The following CTNNA3 variants were observed in gnomAD, a reference collection of about 807,000 sequenced individuals.
CTNNA3 encodes catenin alpha-3.
CTNNA3 carries 76 observed loss-of-function variants against 95.7 expected under a neutral mutation model. The ratio of observed to expected loss-of-function variants is 0.79; its 90% CI spans 0.66 to 0.96. The LOEUF (loss-of-function observed/expected upper bound fraction) is 0.96. Ranked by LOEUF, CTNNA3 falls within the 40% of genes least tolerant of loss-of-function variation. The pLI, the probability that CTNNA3 is intolerant of heterozygous loss-of-function variation, is 0.00. For missense variants in CTNNA3, 1,191 were observed against 1,089.8 expected, an observed-to-expected ratio of 1.09 and a Z score of -1.31; for synonymous variants, 431 against 374.4, an observed-to-expected ratio of 1.15 and a Z score of -1.74.
intron 11 of CTNNA3, among the ~76,000 whole-genome samples, chr10:66,430,053 T>A (rs201756549): frequency 0.05 from 4,469 of 89,694 alleles, 238 homozygotes; most frequent in Middle Eastern, 0.087. Context: ...ACTTCAGCAA[T>A]GTCTCAGGAT....
chr10:67,720,616 C>T (rs1222298137), intron 1 of CTNNA3, among the ~76,000 whole-genome samples: 1 of 152,062 alleles, frequency 6.6e-6, no homozygotes, highest in African/African-American at 2.4e-5. Context: ...GCTTATGAAG[C>T]TTAGGTTGGC....
At chr10:66,653,063 A>G (rs1000657722) in intron 9 of CTNNA3, among the ~76,000 whole-genome samples, 1 of 152,196 alleles carries the variant, frequency 6.6e-6, no homozygotes, top group Non-Finnish European at 1.5e-5. Context: ...GAATAAGACA[A>G]GGATTCCCGT....
intron 7 of CTNNA3, chr10:67,015,145 A>T (rs1169946306): frequency 6.6e-6 from 1 of 152,170 alleles, no homozygotes; most frequent in Non-Finnish European, 1.5e-5. Flanking sequence ...TAGGGAAATT[A>T]ACTGATACCT....
At chr10:66,379,423 T>C (rs1041694409) in intron 11 of CTNNA3, 71 bp from the exon 12 acceptor site, 2 of 1,242,362 alleles carry the variant, frequency 1.6e-6, no homozygotes, top group African/African-American at 3.0e-5. Context: ...TAGCATATTA[T>C]AATTATGTTA....
chr10:66,798,757 G>T (rs1049264606), intron 7 of CTNNA3, among the ~76,000 whole-genome samples: 1 of 151,518 alleles, frequency 6.6e-6, no homozygotes, highest in Non-Finnish European at 1.5e-5. Context: ...CACCATGTAC[G>T]TTACCTGTTC....
intron 7 of CTNNA3, among the ~76,000 whole-genome samples, chr10:66,998,478 T>G (rs774285369): frequency 6.6e-6 from 1 of 152,128 alleles, no homozygotes; most frequent in Non-Finnish European, 1.5e-5. Context: ...ATATTGCAAA[T>G]TATATTTTTA....
At chr10:66,522,711 G>A (rs1006118780) in intron 10 of CTNNA3, among the ~76,000 whole-genome samples, 1 of 151,350 alleles carries the variant, frequency 6.6e-6, no homozygotes, top group South Asian at 2.1e-4. Flanking sequence ...GACTAATATA[G>A]GGCTCTTTTC....
At chr10:66,824,707 C>T (rs999505924) in intron 7 of CTNNA3, among the ~76,000 whole-genome samples, 2 of 152,076 alleles carry the variant, frequency 1.3e-5, no homozygotes, top group Admixed American at 6.6e-5. Flanking sequence ...AATTGAAAGA[C>T]GTTCTATAAA....
intron 15 of CTNNA3, among the ~76,000 whole-genome samples, chr10:66,009,918 C>A (rs1048376509): frequency 6.6e-6 from 1 of 152,180 alleles, no homozygotes; most frequent in African/African-American, 2.4e-5. Flanking sequence ...ATGAATTAAT[C>A]AATTCCTTTA....
chr10:67,061,911 G>A (rs1397721436), intron 7 of CTNNA3, among the ~76,000 whole-genome samples: 2 of 151,798 alleles, frequency 1.3e-5, no homozygotes, highest in Admixed American at 6.6e-5. Flanking sequence ...TAGAATTGGT[G>A]CAAAGTATTA....
At chr10:66,330,338 C>T (rs1380114178) in intron 12 of CTNNA3, among the ~76,000 whole-genome samples, 1 of 151,480 alleles carries the variant, frequency 6.6e-6, no homozygotes, top group East Asian at 2.0e-4. Context: ...TTTGTCCTTG[C>T]CATAGTTTGC....
At chr10:66,670,009 G>A (rs1038267901) in intron 9 of CTNNA3, among the ~76,000 whole-genome samples, 4 of 151,914 alleles carry the variant, frequency 2.6e-5, no homozygotes, top group South Asian at 2.1e-4. Flanking sequence ...CCAATATGGA[G>A]AATTGAAAAA....
At chr10:66,691,647 A>G (rs558215768) in intron 9 of CTNNA3, among the ~76,000 whole-genome samples, 1 of 152,328 alleles carries the variant, frequency 6.6e-6, no homozygotes, top group African/African-American at 2.4e-5. Flanking sequence ...GAGAATGGGC[A>G]GACTGCCTCC....
chr10:67,573,343 G>A (rs1357837721), intron 3 of CTNNA3, among the ~76,000 whole-genome samples: 1 of 152,134 alleles, frequency 6.6e-6, no homozygotes, highest in Non-Finnish European at 1.5e-5. Flanking sequence ...AGCCTGGACA[G>A]AAAAGGAAGC....
intron 12 of CTNNA3, among the ~76,000 whole-genome samples, chr10:66,340,328 A>G (rs1018751401): frequency 3.0e-4 from 45 of 151,986 alleles, no homozygotes; most frequent in African/African-American, 1.1e-3. Flanking sequence ...TTCCAGAGAT[A>G]AAAATTGAGA....
intron 11 of CTNNA3, among the ~76,000 whole-genome samples, chr10:66,456,009 T>C (rs933470339): frequency 2.6e-5 from 4 of 152,228 alleles, no homozygotes; most frequent in South Asian, 2.1e-4. Flanking sequence ...GCAGAATCTG[T>C]ATGCAGAAAA....
At chr10:67,687,274 G>T (rs1840751175) in intron 1 of CTNNA3, among the ~76,000 whole-genome samples, 1 of 152,206 alleles carries the variant, frequency 6.6e-6, no homozygotes, top group Non-Finnish European at 1.5e-5. Flanking sequence ...TCCTGTTGTT[G>T]GATCATCTGG....
intron 7 of CTNNA3, among the ~76,000 whole-genome samples, chr10:66,789,147 T>C (rs1840866279): frequency 6.7e-6 from 1 of 149,272 alleles, no homozygotes. Flanking sequence ...GCTCTATTTA[T>C]CTGCTTACTA....
chr10:66,487,452 C>T (rs1042710545), intron 11 of CTNNA3, among the ~76,000 whole-genome samples: 5 of 151,834 alleles, frequency 3.3e-5, no homozygotes, highest in African/African-American at 1.2e-4. Context: ...CCGCCCGTCT[C>T]GGCTTCCCAA....
Sources: allele counts gnomAD v4.1 joint callset (sites outside exome capture counted in the v4.1 genomes callset), GRCh38; gene constraint gnomAD v4.1.1; transcripts MANE v1.5; gene names NCBI Gene and HGNC (gene_info 2026-07-23, HGNC 2026-07-21).